Variants in CDC25C observed in about 807,000 individuals in gnomAD.
CDC25C encodes M-phase inducer phosphatase 3.
In CDC25C, 48 loss-of-function variants were observed where a neutral mutation model predicts 52.5. The ratio of observed to expected loss-of-function variants is 0.91; its 90% CI spans 0.72 to 1.16. The LOEUF is 1.16. Ranked by LOEUF, CDC25C falls within the 50% of genes most tolerant of loss-of-function variation. The pLI is 0.00. For synonymous variants in CDC25C, 187 were observed against 206.5 expected, an observed-to-expected ratio of 0.91 and a Z score of 0.81; for missense variants, 510 against 566.1, an observed-to-expected ratio of 0.90 and a Z score of 1.01.
intron 7 of CDC25C, among the ~76,000 whole-genome samples, chr5:138,306,069 T>G (rs1580750949): frequency 6.6e-6 from 1 of 152,214 alleles, no homozygotes. Flanking sequence ...CAGCAAGTGG[T>G]GGCATCCTGA....
Position 138,331,233 on chromosome 5 carries a change from TCA to T in CDC25C, c.-38-17_-38-16del. Reference sequence around the variant, plus strand: ...ACAAAACCTAGCTAGGAGGAAAACGTCATCTAAATCGGTACATCACAGTTCCC... The same window carrying T: ...ACAAAACCTAGCTAGGAGGAAAACGTTCTAAATCGGTACATCACAGTTCCC... On this transcript the variant is annotated splice_polypyrimidine_tract_variant and intron_variant, in intron 1 of 13. Coordinates refer to ENST00000323760, the MANE Select transcript of CDC25C (RefSeq NM_001790.5). 9 of 1,528,492 alleles carry T rather than the reference TCA, an allele frequency of 5.9e-6. No individual in the cohort carries two copies. The highest frequency in any genetic ancestry group is 8.1e-6 in the Non-Finnish European group (9 of 1,105,368). The allele number at this position is 1,528,492 out of a possible 1,614,324, so 94.7% of individuals were successfully genotyped here.
chr5:138,309,488 C>T (rs932425278), intron 7 of CDC25C, among the ~76,000 whole-genome samples: 3 of 149,680 alleles, frequency 2.0e-5, no homozygotes, highest in Admixed American at 6.7e-5. Flanking sequence ...ACCCTGGAGG[C>T]GGAAGTTGCA....
chr5:138,328,471 C>T lies in CDC25C; in HGVS notation c.335+13G>A, dbSNP rs749732384. ...AGGCTTTTGTGTGGGGTTCATTTAACAACAGAACTTACATCCCAGCTAAAT... is the reference window on the plus strand; with the variant it reads ...AGGCTTTTGTGTGGGGTTCATTTAATAACAGAACTTACATCCCAGCTAAAT... On this transcript the variant is annotated intron_variant, in intron 4 of 13. Coordinates refer to ENST00000323760, the MANE Select transcript of CDC25C (RefSeq NM_001790.5). 18 of 1,612,774 alleles carry T rather than the reference C, an allele frequency of 1.1e-5. No individual in the cohort carries two copies. The South Asian group carries it at 1.2e-4, about 11-fold the overall frequency.
At chr5:138,319,457 AG>A in intron 6 of CDC25C, 83 bp from the exon 7 acceptor site, 1 of 1,088,088 alleles carries the variant, frequency 9.2e-7, no homozygotes, top group South Asian at 2.0e-5. Flanking sequence ...TAAAACTCTT[AG>A]AAGAAAAGAT....
intron 7 of CDC25C, among the ~76,000 whole-genome samples, chr5:138,298,478 G>A (rs1278505304): frequency 6.6e-6 from 1 of 152,080 alleles, no homozygotes; most frequent in Non-Finnish European, 1.5e-5. Context: ...CTCGCCAGGC[G>A]CAGTGGCTCA....
At chr5:138,314,603 C>CTTTTT (rs907033621) in intron 7 of CDC25C, among the ~76,000 whole-genome samples, 6 of 114,714 alleles carry the variant, frequency 5.2e-5, no homozygotes, top group South Asian at 2.9e-4. Context: ...GCCTATAGCA[C>CTTTTT]TTTTTTTTTT....
At chr5:138,294,765 A>G (rs1757044125) in intron 7 of CDC25C, among the ~76,000 whole-genome samples, 1 of 151,746 alleles carries the variant, frequency 6.6e-6, no homozygotes, top group Non-Finnish European at 1.5e-5. Context: ...CGGCCCTCCA[A>G]AGTGCTGGGA....
At chr5:138,328,369 C>G in intron 4 of CDC25C, 115 bp downstream of exon 4, 1 of 850,238 alleles carries the variant, frequency 1.2e-6, no homozygotes, top group Non-Finnish European at 1.9e-6. Context: ...GGCCTCAAAG[C>G]CCACTTATAC....
intron 5 of CDC25C, 22 bp downstream of exon 5, chr5:138,325,999 C>A (rs775868271): frequency 7.9e-5 from 128 of 1,613,826 alleles, no homozygotes; most frequent in Non-Finnish European, 9.8e-5. Flanking sequence ...AAACAAAACC[C>A]AAAAAAAGAG....
chr5:138,329,138 C>T (rs1163395327), intron 3 of CDC25C, among the ~76,000 whole-genome samples: 1 of 152,086 alleles, frequency 6.6e-6, no homozygotes, highest in Non-Finnish European at 1.5e-5. Flanking sequence ...CTCTTGACCT[C>T]GTGACCCGCC....
intron 4 of CDC25C, among the ~76,000 whole-genome samples, chr5:138,326,692 G>A (rs1227382472): frequency 6.6e-6 from 1 of 152,090 alleles, no homozygotes; most frequent in Non-Finnish European, 1.5e-5. Flanking sequence ...TGTGGCCCAC[G>A]CCTGTAATCC....
In CDC25C at chr5:138,286,754, T is replaced by C. The variant is rs959761355; in HGVS notation, c.1027-124A>G. ...AGAAAAGCTGGACTATAAGCACCTT[T>C]AGGGCAGGGGTCTAAGTATATCTCT... On this transcript the variant is annotated intron_variant, in intron 11 of 13. Transcript: ENST00000323760. 1.7e-4 allele frequency: 142 copies of C among 819,558 alleles called. No homozygotes were observed. The African/African-American group carries it at 2.3e-3, about 13-fold the overall frequency. The allele number at this position is 819,558 out of a possible 1,614,324, so 50.8% of individuals were successfully genotyped here.
chr5:138,300,601 A>C (rs548968779), intron 7 of CDC25C, among the ~76,000 whole-genome samples: 1 of 152,264 alleles, frequency 6.6e-6, no homozygotes, highest in East Asian at 1.9e-4. Context: ...CAGAAAACTA[A>C]TAAGCATATA....
chr5:138,288,224 C>T lies in CDC25C; in HGVS notation c.928-957G>A, dbSNP rs945386430. Among the ~76,000 whole-genome samples the T allele has an allele frequency of 3.3e-5, 5 of 152,006 alleles. No homozygotes were observed. In the East Asian group the frequency reaches 7.8e-4, roughly 24 times the overall value. On this transcript the variant is annotated intron_variant, in intron 10 of 13. Transcript: ENST00000323760. ...CCGAGTAGCTGGGATTACAGGCATGCGCTACCACACCCAGCTAATTTTATA... is the reference window on the plus strand; with the variant it reads ...CCGAGTAGCTGGGATTACAGGCATGTGCTACCACACCCAGCTAATTTTATA...
upstream of CDC25C, chr5:138,333,794 C>T (rs571495292): frequency 6.6e-6 from 1 of 152,242 alleles, no homozygotes; most frequent in East Asian, 1.9e-4. Flanking sequence ...GGCTTTAGTT[C>T]AATGTCAGGT....
At chr5:138,292,714 G>C (rs1756853562) in intron 7 of CDC25C, among the ~76,000 whole-genome samples, 3 of 152,162 alleles carry the variant, frequency 2.0e-5, no homozygotes, top group Admixed American at 2.0e-4. Context: ...CAAACGTCAT[G>C]AAGAACTAGC....
chr5:138,317,486 C>T (rs1298747603), intron 7 of CDC25C, among the ~76,000 whole-genome samples: 1 of 151,678 alleles, frequency 6.6e-6, no homozygotes, highest in Non-Finnish European at 1.5e-5. Flanking sequence ...TTGAGACTAG[C>T]CTGGGCAATA....
chr5:138,316,512 C>T (rs1758883535), intron 7 of CDC25C, among the ~76,000 whole-genome samples: 2 of 151,998 alleles, frequency 1.3e-5, no homozygotes, highest in Non-Finnish European at 2.9e-5. Context: ...CTGTAAGTCC[C>T]CACCTTCAGG....
rs764487309 is a variant in CDC25C at position 138,302,902 on chromosome 5, G to GA, written c.616-10787dup. Among the ~76,000 whole-genome samples, 1,107 of 136,716 alleles carry GA rather than the reference G, an allele frequency of 8.1e-3. 12 individuals carry two copies. The highest frequency in any genetic ancestry group is 0.026 in the African/African-American group (966 of 37,392). The allele number at this position is 136,716 out of a possible 152,430, so 89.7% of individuals were successfully genotyped here. On this transcript the variant is annotated intron_variant, in intron 7 of 13. Transcript: ENST00000323760. Reference sequence around the variant, plus strand: ...TGGTGAGATCCCCATCTCTATAGGGGAAAAAAAAAAAAAAGAACTAGCCAG... The same window carrying GA: ...TGGTGAGATCCCCATCTCTATAGGGGAAAAAAAAAAAAAAAGAACTAGCCAG...
Sources: allele counts gnomAD v4.1 joint callset (sites outside exome capture counted in the v4.1 genomes callset), GRCh38; gene constraint gnomAD v4.1.1; transcripts MANE v1.5; gene names NCBI Gene and HGNC (gene_info 2026-07-23, HGNC 2026-07-21).